The following PCDHGA9 variants were observed in gnomAD, a reference collection of about 807,000 sequenced individuals.
PCDHGA9 encodes the protein protocadherin gamma subfamily A, 9, also known as protocadherin gamma-A9.
In PCDHGA9, 37 loss-of-function variants were observed where a neutral mutation model predicts 62.5. The ratio of observed to expected loss-of-function variants is 0.59; its 90% confidence interval spans 0.46 to 0.78. The LOEUF is 0.78. Among genes scored for constraint, PCDHGA9 ranks in the 30% least tolerant of loss-of-function variants. The pLI is 0.00. For missense variants in PCDHGA9, 1,138 were observed against 1,166.2 expected, an observed-to-expected ratio of 0.98 and a Z score of 0.35; for synonymous variants, 459 against 484.6, an observed-to-expected ratio of 0.95 and a Z score of 0.69.
chr5:141,505,072 G>A (rs1374916789), intron 2 of PCDHGA9, among the ~76,000 whole-genome samples: 1 of 152,228 alleles, frequency 6.6e-6, no homozygotes. Context: ...TGAGGCAGGA[G>A]AATCGCTTGA....
intron 3 of PCDHGA9, among the ~76,000 whole-genome samples, chr5:141,509,437 C>T (rs923580110): frequency 2.6e-5 from 4 of 152,104 alleles, no homozygotes; most frequent in African/African-American, 9.7e-5. Context: ...ACTCTTGTTT[C>T]CTCCTCTCCC....
Position 141,485,932 on chromosome 5 carries a change from G to A in PCDHGA9, c.2425-8875G>A. ...CCAGCTACAGGATTAGTGTGTTGGA[G>A]AGCGCACCAGCGGGCATGGTGCTCA... On this transcript the variant is annotated intron_variant, in intron 1 of 3. Transcript: ENST00000573521. The surrounding 1 kb of genome is among the most constrained non-coding windows in gnomAD (Gnocchi z 5.7). The A allele has an allele frequency of 6.2e-7, 1 of 1,614,184 alleles. No homozygotes were observed. The highest frequency in any genetic ancestry group is 8.5e-7 in the Non-Finnish European group (1 of 1,180,042).
chr5:141,434,852 A>G (rs1382212982), intron 1 of PCDHGA9, among the ~76,000 whole-genome samples: 2 of 151,990 alleles, frequency 1.3e-5, no homozygotes, highest in Non-Finnish European at 2.9e-5. Context: ...AGACATCAAT[A>G]AATTTATATA....
In PCDHGA9 at chr5:141,431,827, TC is replaced by T. The variant is rs571306928; in HGVS notation, c.2424+26454del. 1.2e-3 allele frequency: 2,007 copies of T among 1,614,226 alleles called. No individual in the cohort carries two copies. The highest frequency in any genetic ancestry group is 1.5e-3 in the Non-Finnish European group (1,827 of 1,180,024). On this transcript the variant is annotated intron_variant, in intron 1 of 3. Coordinates refer to ENST00000573521, the MANE Select transcript of PCDHGA9 (RefSeq NM_018921.3). This position sits in a 1 kb window ranked among gnomAD's most constrained non-coding sequence, Gnocchi z 4.8. ...TCCTCACCTCTCTCGCCAGCTCGGT[TC>T]CCGAAAACTCTCCCAGAGGGACATT...
intron 1 of PCDHGA9, chr5:141,428,330 T>C: frequency 1.6e-6 from 1 of 628,558 alleles, no homozygotes; most frequent in Non-Finnish European, 2.9e-6. Flanking sequence ...TTGATTTCTA[T>C]GCTCTTCTTC....
At chr5:141,427,603 T>G in intron 1 of PCDHGA9, 2 of 681,440 alleles carry the variant, frequency 2.9e-6, no homozygotes, top group East Asian at 2.8e-5. Flanking sequence ...ACCCTACGCA[T>G]TGGTGAAGTC....
chr5:141,452,278 T>C (rs1047687328), intron 1 of PCDHGA9, among the ~76,000 whole-genome samples: 1 of 152,226 alleles, frequency 6.6e-6, no homozygotes, highest in African/African-American at 2.4e-5. Context: ...AACCCTTTCT[T>C]ACTTTCTGAT....
chr5:141,413,645 C>T, intron 1 of PCDHGA9: 9 of 1,613,834 alleles, frequency 5.6e-6, no homozygotes, highest in Non-Finnish European at 7.6e-6. Context: ...ATGCGTTTTC[C>T]TCTCCCGGAA....
rs201424832 is a variant in PCDHGA9 at position 141,490,802 on chromosome 5, C to T, written c.2425-4005C>T. On this transcript the variant is annotated intron_variant, in intron 1 of 3. Transcript: ENST00000573521. This position sits in a 1 kb window ranked among gnomAD's most constrained non-coding sequence, Gnocchi z 5.4. Reference sequence around the variant, plus strand: ...GATGGACGGATCTTTGCCCAGCGTACCTTTGACTATGAATTGCTGCAGATG... The same window carrying T: ...GATGGACGGATCTTTGCCCAGCGTATCTTTGACTATGAATTGCTGCAGATG... 1 of 1,613,944 alleles carries T rather than the reference C, an allele frequency of 6.2e-7. No homozygotes were observed. Among genetic ancestry groups the T allele is most frequent in the East Asian group, 2.2e-5 (1 of 44,886 alleles).
chr5:141,486,163 G>A lies in PCDHGA9; in HGVS notation c.2425-8644G>A. 2.5e-6 allele frequency: 4 copies of A among 1,614,212 alleles called. No individual in the cohort carries two copies. Among genetic ancestry groups the A allele is most frequent in the Non-Finnish European group, 3.4e-6 (4 of 1,180,034 alleles). The stretch of plus-strand genomic sequence containing the variant: ...CTCGCGATGGGGGTTCTCCAGCCAT[G>A]GAGCAACATTGCAGCCTTCGAGTGG... On this transcript the variant is annotated intron_variant, in intron 1 of 3. Transcript: ENST00000573521. This position sits in a 1 kb window ranked among gnomAD's most constrained non-coding sequence, Gnocchi z 5.0.
In PCDHGA9 at chr5:141,404,302, T is replaced by G. The variant is rs377754198; in HGVS notation, c.1350T>G (p.Pro450=). 6.2e-7 allele frequency: 1 copy of G among 1,613,858 alleles called. No homozygotes were observed. Among genetic ancestry groups the G allele is most frequent in the African/African-American group, 1.3e-5 (1 of 74,926 alleles). ...LQVTDINDNP[P]AFSQASYSVY... Reference sequence around the variant, plus strand: ...TGACTGACATCAATGATAATCCACCTGCTTTCTCTCAAGCCTCCTACTCAG... The same window carrying G: ...TGACTGACATCAATGATAATCCACCGGCTTTCTCTCAAGCCTCCTACTCAG... Residue 450 remains proline (P), a synonymous_variant, in exon 1 of 4, where the codon CCT becomes CCG. Transcript: ENST00000573521.
intron 2 of PCDHGA9, among the ~76,000 whole-genome samples, chr5:141,502,496 C>T (rs934563545): frequency 2.0e-5 from 3 of 152,178 alleles, no homozygotes; most frequent in Admixed American, 6.5e-5. Context: ...ACTCATCTAA[C>T]GTCGGCCTGT....
Position 141,485,996 on chromosome 5 carries a change from G to A in PCDHGA9, c.2425-8811G>A, listed in dbSNP as rs114142606. On this transcript the variant is annotated intron_variant, in intron 1 of 3. Coordinates refer to ENST00000573521, the MANE Select transcript of PCDHGA9 (RefSeq NM_018921.3). The surrounding 1 kb of genome is among the most constrained non-coding windows in gnomAD (Gnocchi z 5.7). ...CTCAGACCCGGACCTGGGTCCCAGT[G>A]GTAACGTCACCTTTTATTTCAGTGG... The A allele has an allele frequency of 1.6e-4, 256 of 1,614,178 alleles. 1 individual carries two copies. Among genetic ancestry groups the A allele is most frequent in the Middle Eastern group, 1.5e-3 (9 of 6,062 alleles).
In PCDHGA9 at chr5:141,489,597, A is replaced by G; in HGVS notation, c.2425-5210A>G. 6.2e-7 allele frequency: 1 copy of G among 1,614,100 alleles called. No individual in the cohort carries two copies. The highest frequency in any genetic ancestry group is 1.3e-5 in the African/African-American group (1 of 75,040). ...AACACCCCCTGGAGCTAATCCGTGTAGAGGTAGAGATCCTGGATCTCAATG... is the reference window on the plus strand; with the variant it reads ...AACACCCCCTGGAGCTAATCCGTGTGGAGGTAGAGATCCTGGATCTCAATG... On this transcript the variant is annotated intron_variant, in intron 1 of 3. Transcript: ENST00000573521. The surrounding 1 kb of genome is among the most constrained non-coding windows in gnomAD (Gnocchi z 4.5).
chr5:141,419,700 C>T, intron 1 of PCDHGA9: 2 of 1,612,974 alleles, frequency 1.2e-6, no homozygotes, highest in Non-Finnish European at 1.7e-6. Context: ...GCCAGTGAGC[C>T]CGGGCTCTTC....
rs2154536264 is a variant in PCDHGA9, at chr5:141,405,225, C to T, written c.2273C>T (p.Ser758Phe). 2.5e-6 allele frequency: 4 copies of T among 1,614,082 alleles called. No individual in the cohort carries two copies. The highest frequency in any genetic ancestry group is 1.7e-6 in the Non-Finnish European group (2 of 1,180,008). Residue 758 changes from serine to phenylalanine, a missense_variant, in exon 1 of 4, where the codon TCC (serine) becomes TTC (phenylalanine). Ser to Phe is a radical substitution (Grantham distance 155, BLOSUM62 -2). Transcript: ENST00000573521. ...AFLQTYSQEF[S>F]LTADSRKSHL... is the part of the protein sequence containing the mutation. ...CTACAGACCTATTCTCAGGAGTTCT[C>T]CCTCACCGCTGACTCAAGGAAGAGT...
chr5:141,403,774 C>T lies in PCDHGA9; in HGVS notation c.822C>T (p.Asn274=), dbSNP rs1350465491. The T allele has an allele frequency of 1.9e-6, 3 of 1,613,668 alleles. No individual in the cohort carries two copies. Among genetic ancestry groups the T allele is most frequent in the Non-Finnish European group, 1.7e-6 (2 of 1,179,892 alleles). The part of the protein sequence containing the change: ...ATASDLDEGI[N]GKVAYKFWKI... ...CCAGCGACCTGGATGAGGGAATCAA[C>T]GGAAAAGTGGCATACAAATTCTGGA... is the stretch of plus-strand genomic sequence containing the variant. The change falls in exon 1 of 4, where the codon AAC becomes AAT. Residue 274 remains asparagine (N), a synonymous_variant. Coordinates refer to ENST00000573521, the MANE Select transcript of PCDHGA9 (RefSeq NM_018921.3).
At chr5:141,496,011 T>G (rs1232125559) in intron 2 of PCDHGA9, among the ~76,000 whole-genome samples, 1 of 152,114 alleles carries the variant, frequency 6.6e-6, no homozygotes, top group African/African-American at 2.4e-5. Flanking sequence ...ATCTTGTCTT[T>G]TTTCTCTGAG....
Position 141,431,887 on chromosome 5 carries a change from T to G in PCDHGA9, c.2424+26511T>G. ...TTTTAAATGTAAATGACCAAGATTC[T>G]GAGGAAAACGGACAGGTGATCTGTT... On this transcript the variant is annotated intron_variant, in intron 1 of 3. Transcript: ENST00000573521. The surrounding 1 kb of genome is among the most constrained non-coding windows in gnomAD (Gnocchi z 4.8). 6.2e-7 allele frequency: 1 copy of G among 1,614,190 alleles called. No individual in the cohort carries two copies. Among genetic ancestry groups the G allele is most frequent in the Non-Finnish European group, 8.5e-7 (1 of 1,179,996 alleles).
Sources: gnomAD v4.1 joint callset for allele counts (sites outside exome capture counted in the v4.1 genomes callset) on GRCh38, gnomAD v4.1.1 for gene constraint, Gnocchi (gnomAD v3.1) non-coding constraint, MANE v1.5 for transcripts, NCBI Gene and HGNC (gene_info 2026-07-23, HGNC 2026-07-21) for gene names.